PLEKHG1: variants seen among roughly 807,000 people sequenced by gnomAD.
The protein encoded by PLEKHG1 is pleckstrin homology domain-containing family G member 1.
A neutral mutation model predicts 100.8 loss-of-function variants in PLEKHG1; 44 were observed. The observed-to-expected ratio is 0.44, with a 90% confidence interval of 0.34 to 0.56. The LOEUF (loss-of-function observed/expected upper bound fraction) is 0.56, where lower values mean the gene tolerates loss of function less well. Among genes scored for constraint, PLEKHG1 ranks in the 20% least tolerant of loss-of-function variants. The pLI, the probability that PLEKHG1 is intolerant of heterozygous loss-of-function variation, is 0.01. For missense variants in PLEKHG1, 1,545 were observed against 1,720.9 expected (o/e 0.90, Z 1.81); for synonymous variants, 640 against 662.5 (o/e 0.97, Z 0.52).
chr6:150,644,334 G>GTTTTGTTTTTTTTTTTTT (rs1554255839), intron 2 of PLEKHG1, among the ~76,000 whole-genome samples: 1 of 117,622 alleles, frequency 8.5e-6, no homozygotes, highest in African/African-American at 3.5e-5. Context: ...TTCTTTTCGT[G>GTTTTGTTTTTTTTTTTTT]TTTTTTTTTT....
intron 3 of PLEKHG1, among the ~76,000 whole-genome samples, chr6:150,652,550 G>A (rs575132116): frequency 1.8e-4 from 28 of 151,900 alleles, no homozygotes; most frequent in Admixed American, 1.4e-3. Flanking sequence ...GTGAAACCCC[G>A]TCGCTATTAA....
intron 3 of PLEKHG1, among the ~76,000 whole-genome samples, chr6:150,704,373 C>T (rs934774661): frequency 8.5e-5 from 13 of 152,224 alleles, no homozygotes; most frequent in African/African-American, 2.9e-4. Context: ...TCCTATAACA[C>T]ACCTCACCCT....
chr6:150,788,755 G>A (rs1331413694), intron 4 of PLEKHG1, among the ~76,000 whole-genome samples: 2 of 152,158 alleles, frequency 1.3e-5, no homozygotes, highest in African/African-American at 2.4e-5. Flanking sequence ...GACAAAGTCT[G>A]TCTTTAGAGC....
chr6:150,697,084 G>A (rs1030430889), intron 3 of PLEKHG1, among the ~76,000 whole-genome samples: 3 of 129,720 alleles, frequency 2.3e-5, no homozygotes, highest in Non-Finnish European at 4.9e-5. Context: ...GCAACAGAGT[G>A]AGACTCTGTC....
upstream of PLEKHG1, among the ~76,000 whole-genome samples, chr6:150,717,041 T>C (rs535068585): frequency 2.7e-4 from 41 of 152,206 alleles, no homozygotes; most frequent in Middle Eastern, 6.8e-3. Flanking sequence ...TTTATTGATT[T>C]ATGTTTTTAA....
exon 8 of PLEKHG1, chr6:150,809,192 C>G (rs760502194): frequency 6.2e-7 from 1 of 1,613,164 alleles, no homozygotes; most frequent in Non-Finnish European, 8.5e-7. Context: ...CCGCATCCAG[C>G]GAGCCAAGAA....
chr6:150,778,961 C>T (rs1464711908), intron 3 of PLEKHG1, among the ~76,000 whole-genome samples: 1 of 152,196 alleles, frequency 6.6e-6, no homozygotes, highest in Non-Finnish European at 1.5e-5. Context: ...GTCTGGCCCT[C>T]AGCTTTGAGT....
intron 3 of PLEKHG1, among the ~76,000 whole-genome samples, chr6:150,703,911 G>A (rs1780901564): frequency 6.6e-6 from 1 of 152,164 alleles, no homozygotes; most frequent in Non-Finnish European, 1.5e-5. Flanking sequence ...AACGTACTTG[G>A]TGACTTTGAA....
chr6:150,688,762 A>AT (rs1001553454), intron 3 of PLEKHG1, among the ~76,000 whole-genome samples: 6 of 152,342 alleles, frequency 3.9e-5, no homozygotes, highest in African/African-American at 1.4e-4. Context: ...CATGTAAGAG[A>AT]TTTTTTAAAA....
At chr6:150,641,481 A>C (rs1778254968) in intron 2 of PLEKHG1, among the ~76,000 whole-genome samples, 1 of 152,246 alleles carries the variant, frequency 6.6e-6, no homozygotes, top group African/African-American at 2.4e-5. Flanking sequence ...AAGTTTTCTC[A>C]AGTCCGGATT....
At chr6:150,720,789 G>A (rs1194728678), upstream of PLEKHG1, among the ~76,000 whole-genome samples, 2 of 152,178 alleles carry the variant, frequency 1.3e-5, no homozygotes, top group Admixed American at 6.5e-5. Context: ...TGAGAACTGT[G>A]GCCAGAGCCA....
intron 10 of PLEKHG1, among the ~76,000 whole-genome samples, chr6:150,816,326 CTTTTTTTTTTTTTTTTT>C (rs1173343082): frequency 0.055 from 2,283 of 41,310 alleles, 138 homozygotes; most frequent in African/African-American, 0.16. Context: ...CTCAAACATA[CTTTTTTTTTTTTTTTTT>C]TTTTTTTTTT....
intron 10 of PLEKHG1, among the ~76,000 whole-genome samples, chr6:150,813,387 T>A (rs1412276320): frequency 6.6e-6 from 1 of 151,700 alleles, no homozygotes; most frequent in African/African-American, 2.4e-5. Context: ...CAACTGAGGC[T>A]GGCCCCCATG....
At chr6:150,800,721 C>T (rs1786644094) in exon 6 of PLEKHG1, 1 of 1,613,428 alleles carries the variant, frequency 6.2e-7, no homozygotes, top group Non-Finnish European at 8.5e-7. Context: ...TCCTGCAGGT[C>T]CGTGGCTGTG....
At chr6:150,610,720 G>T (rs1223484643) in intron 1 of PLEKHG1, among the ~76,000 whole-genome samples, 1 of 152,210 alleles carries the variant, frequency 6.6e-6, no homozygotes, top group Non-Finnish European at 1.5e-5. Flanking sequence ...GGTTTCTTTA[G>T]AAATTGTTTT....
intron 3 of PLEKHG1, among the ~76,000 whole-genome samples, chr6:150,676,223 A>AT (rs1423004215): frequency 6.6e-6 from 1 of 152,244 alleles, no homozygotes; most frequent in African/African-American, 2.4e-5. Flanking sequence ...TGGAGACTTA[A>AT]TTCATGTGCC....
In PLEKHG1 at chr6:150,800,822, C is replaced by T. The variant is rs144848429; in HGVS notation, c.733C>T (p.Leu245Phe). The stretch of plus-strand genomic sequence containing the variant: ...ACACTCGCTGCCTCTGGGGTCCTAT[C>T]TCTTGAAACCAGTTCAGCGGATTCT... The change falls in exon 6 of 16, where the codon CTC (leucine) becomes TTC (phenylalanine). Residue 245 changes from leucine to phenylalanine, a missense_variant. By Grantham distance (22) the Leu-to-Phe change is conservative. Transcript: ENST00000358517. 6.0e-4 allele frequency: 964 copies of T among 1,614,008 alleles called. 5 individuals are homozygous for T. In the Middle Eastern group the frequency reaches 8.1e-3, roughly 14 times the overall value.
exon 16 of PLEKHG1, chr6:150,842,119 C>T (rs985068687): frequency 6.6e-5 from 10 of 151,962 alleles, no homozygotes; most frequent in African/African-American, 1.9e-4. Flanking sequence ...AGGCAACAAA[C>T]AAAAATAAGA....
chr6:150,622,871 T>C (rs1562389659), intron 1 of PLEKHG1, among the ~76,000 whole-genome samples: 1 of 152,166 alleles, frequency 6.6e-6, no homozygotes. Context: ...TTTTAGAAGA[T>C]AGAAAAACAA....
Sources: allele counts gnomAD v4.1 joint callset (sites outside exome capture counted in the v4.1 genomes callset), GRCh38; gene constraint gnomAD v4.1.1; transcripts MANE v1.5; gene names NCBI Gene and HGNC (gene_info 2026-07-23, HGNC 2026-07-21).